Variants in TACC2 observed in about 807,000 individuals in gnomAD.
TACC2 encodes transforming acidic coiled-coil containing protein 2, also known as transforming acidic coiled-coil-containing protein 2.
Under a neutral mutation model 227.3 loss-of-function variants are expected in TACC2, and 137 were observed. That is an observed-to-expected ratio of 0.60 (90% CI 0.52 to 0.69). TACC2 has a LOEUF of 0.69. Among genes scored for constraint, TACC2 ranks in the 30% least tolerant of loss-of-function variants. The pLI is 0.00. For missense variants in TACC2, 3,470 were observed against 3,694.4 expected, an observed-to-expected ratio of 0.94 and a Z score of 1.57; for synonymous variants, 1,523 against 1,487.5, an observed-to-expected ratio of 1.02 and a Z score of -0.55.
chr10:122,113,773 G>A (rs922963875), intron 5 of TACC2, among the ~76,000 whole-genome samples: 1 of 152,254 alleles, frequency 6.6e-6, no homozygotes, highest in Non-Finnish European at 1.5e-5. Flanking sequence ...GAATAGTTAC[G>A]TCAGCAGGGC....
chr10:122,172,940 C>A (rs901858278), intron 7 of TACC2, among the ~76,000 whole-genome samples: 1 of 152,092 alleles, frequency 6.6e-6, no homozygotes, highest in African/African-American at 2.4e-5. Context: ...TGTGAGCAGG[C>A]GAAGGCTTGT....
chr10:122,099,454 A>G (rs2081894940), intron 5 of TACC2, among the ~76,000 whole-genome samples: 1 of 152,212 alleles, frequency 6.6e-6, no homozygotes, highest in Non-Finnish European at 1.5e-5. Context: ...TGGCTTGGGC[A>G]TTCATAGTCA....
At chr10:122,171,480 A>G (rs956908125) in intron 7 of TACC2, among the ~76,000 whole-genome samples, 2 of 152,224 alleles carry the variant, frequency 1.3e-5, no homozygotes, top group African/African-American at 4.8e-5. Context: ...TACCATCAAC[A>G]TTCCAGCTTC....
intron 2 of TACC2, among the ~76,000 whole-genome samples, chr10:122,043,445 TTCTTTCTTTCTTTC>T (rs919276338): frequency 1.1e-4 from 12 of 112,578 alleles, no homozygotes; most frequent in Admixed American, 8.9e-4. Flanking sequence ...TTAGATTTCT[TTCTTTCTTTCTTTC>T]TCTTTCTTTC....
intron 8 of TACC2, among the ~76,000 whole-genome samples, chr10:122,203,175 T>C (rs1450117191): frequency 1.8e-4 from 27 of 151,980 alleles, no homozygotes; most frequent in Non-Finnish European, 2.7e-4. Flanking sequence ...AGCTGCTGGG[T>C]ACACCTCCCA....
intron 7 of TACC2, among the ~76,000 whole-genome samples, chr10:122,157,153 C>A (rs1465053491): frequency 1.3e-5 from 2 of 152,110 alleles, no homozygotes; most frequent in East Asian, 3.8e-4. Context: ...ACAGGAGGAG[C>A]ATACGAGGGA....
At chr10:122,073,632 T>G (rs930259368) in intron 3 of TACC2, among the ~76,000 whole-genome samples, 2 of 152,184 alleles carry the variant, frequency 1.3e-5, no homozygotes, top group South Asian at 4.2e-4. Flanking sequence ...GAAACAAATT[T>G]GGGAAACAGT....
chr10:122,219,995 G>GCC (rs1429196047), intron 11 of TACC2, among the ~76,000 whole-genome samples: 4 of 151,150 alleles, frequency 2.6e-5, no homozygotes, highest in Admixed American at 1.3e-4. Context: ...CCAAGATCAT[G>GCC]CCCCTGCACT....
intron 13 of TACC2, 97 bp from the exon 14 acceptor site, chr10:122,227,740 G>A: frequency 7.4e-7 from 1 of 1,358,368 alleles, no homozygotes; most frequent in Non-Finnish European, 1.0e-6. Flanking sequence ...GGAAGTCCAG[G>A]ATTCCTTGTG....
chr10:122,004,326 AG>A (rs1954793211), intron 1 of TACC2, among the ~76,000 whole-genome samples: 2 of 151,004 alleles, frequency 1.3e-5, no homozygotes, highest in Non-Finnish European at 2.9e-5. Flanking sequence ...TGAATCTGGG[AG>A]GCGGAGGTTG....
chr10:122,248,625 C>T lies in TACC2; in HGVS notation c.8393-18C>T. On this transcript the variant is annotated intron_variant, in intron 19 of 22. Coordinates refer to ENST00000369005, the MANE Select transcript of TACC2 (RefSeq NM_206862.4). ...ACTTTCTGGGCTCCATCATTTGGCT[C>T]CTGGTCTCTCCTGCCAGAGGACGAA... 6.2e-7 allele frequency: 1 copy of T among 1,612,288 alleles called. No homozygotes were observed. The highest frequency in any genetic ancestry group is 8.5e-7 in the Non-Finnish European group (1 of 1,179,972).
rs1412254309 is a variant in TACC2, at chr10:122,088,485, C to A, written c.5467C>A (p.Pro1823Thr). 2 of 1,612,346 alleles carry A rather than the reference C, an allele frequency of 1.2e-6. No homozygotes were observed. Among genetic ancestry groups the A allele is most frequent in the Non-Finnish European group, 1.7e-6 (2 of 1,179,260 alleles). The stretch of plus-strand genomic sequence containing the variant: ...TTTCTTTTATTATCCCAGAGAGAGC[C>A]CCAGGCCTGGCCCATCCATGTTACC... ...PEELHTDRES[P>T]RPGPSMLPSV... Residue 1823 changes from proline to threonine, a missense_variant, in exon 5 of 23, where the codon CCC becomes ACC. This residue lies in a region of TACC2 where 1,924 missense variants were observed against 1,978.3 expected (regional missense o/e 0.97). Coordinates refer to ENST00000369005, the MANE Select transcript of TACC2 (RefSeq NM_206862.4).
In TACC2 at chr10:122,249,637, C is replaced by T. The variant is rs780060707; in HGVS notation, c.8754C>T (p.Asp2918=). 3.2e-5 allele frequency: 52 copies of T among 1,613,640 alleles called. No homozygotes were observed. The Middle Eastern group carries it at 5.0e-4, about 15-fold the overall frequency. ...ASLRKEQLRV[D]ALERTLEQKN... The stretch of plus-strand genomic sequence containing the variant: ...TGCGGAAGGAGCAGCTGCGAGTGGA[C>T]GCCCTGGAAAGGACGCTGGAGCAGA... The change falls in exon 22 of 23, where the codon GAC becomes GAT. Residue 2918 remains aspartate, a synonymous_variant. Transcript: ENST00000369005.
Position 122,086,129 on chromosome 10 carries a change from T to C in TACC2, c.3629T>C (p.Phe1210Ser). ...LGGIPRSTMDFSTHQAVPDPK... is the reference protein window; with the variant it reads ...LGGIPRSTMDSSTHQAVPDPK... ...GGGATTCCCAGGAGCACCATGGATT[T>C]TTCTACACACCAGGCTGTCCCAGAC... Residue 1210 changes from phenylalanine (F) to serine (S), a missense_variant, in exon 4 of 23, where the codon TTT (phenylalanine) becomes TCT (serine). By Grantham distance (155) the Phe-to-Ser change is radical. This residue lies in a region of TACC2 where 1,924 missense variants were observed against 1,978.3 expected (regional missense o/e 0.97). Coordinates refer to ENST00000369005, the MANE Select transcript of TACC2 (RefSeq NM_206862.4). 1.2e-6 allele frequency: 2 copies of C among 1,613,504 alleles called. No individual in the cohort carries two copies. The highest frequency in any genetic ancestry group is 1.7e-6 in the Non-Finnish European group (2 of 1,179,966).
At chr10:122,097,061 C>T (rs1342311441) in intron 5 of TACC2, among the ~76,000 whole-genome samples, 1 of 152,130 alleles carries the variant, frequency 6.6e-6, no homozygotes, top group East Asian at 1.9e-4. Flanking sequence ...CACGGTGGCT[C>T]ATGCCTATAA....
chr10:122,207,231 G>A (rs1260517231), intron 8 of TACC2, among the ~76,000 whole-genome samples: 1 of 151,838 alleles, frequency 6.6e-6, no homozygotes, highest in Non-Finnish European at 1.5e-5. Context: ...CCTGAGAGGT[G>A]GAGGTTGTAG....
intron 5 of TACC2, among the ~76,000 whole-genome samples, chr10:122,098,592 G>C (rs2081756099): frequency 1.3e-5 from 2 of 152,136 alleles, no homozygotes; most frequent in African/African-American, 2.4e-5. Flanking sequence ...CCACCACAGA[G>C]AGTTATGTAA....
chr10:122,143,729 C>T (rs778749842), intron 7 of TACC2, 23 bp downstream of exon 7: 3 of 1,608,494 alleles, frequency 1.9e-6, no homozygotes, highest in East Asian at 4.5e-5. Context: ...TCCCCCTCCA[C>T]AGCACCTGCC....
intron 7 of TACC2, among the ~76,000 whole-genome samples, chr10:122,162,364 A>G (rs2092870658): frequency 2.6e-5 from 4 of 152,134 alleles, no homozygotes; most frequent in Admixed American, 2.6e-4. Flanking sequence ...GCTTTGAACA[A>G]TTTTGTTTTT....
Sources: allele counts gnomAD v4.1 joint callset (sites outside exome capture counted in the v4.1 genomes callset), GRCh38; gene constraint gnomAD v4.1.1; regional missense constraint gnomAD v4.1.1; transcripts MANE v1.5; gene names NCBI Gene and HGNC (gene_info 2026-07-23, HGNC 2026-07-21).